The following CCDC85A variants were observed in gnomAD, a reference collection of about 807,000 sequenced individuals.
The protein encoded by CCDC85A is coiled-coil domain-containing protein 85A.
CCDC85A carries 38 observed loss-of-function variants against 50.2 expected under a neutral mutation model. That is an observed-to-expected ratio of 0.76 (90% confidence interval 0.58 to 0.99). CCDC85A has a LOEUF of 0.99. Ranked by LOEUF, CCDC85A falls within the 50% of genes least tolerant of loss-of-function variation. The pLI, the probability that CCDC85A is intolerant of heterozygous loss-of-function variation, is 0.00. For synonymous variants in CCDC85A, 366 were observed against 301.4 expected, an observed-to-expected ratio of 1.21 and a Z score of -2.22; for missense variants, 820 against 742.0, an observed-to-expected ratio of 1.11 and a Z score of -1.22.
chr2:56,197,470 T>G (rs1385585521), intron 2 of CCDC85A, among the ~76,000 whole-genome samples: 1 of 152,122 alleles, frequency 6.6e-6, no homozygotes, highest in African/African-American at 2.4e-5. Context: ...TATGATAGCT[T>G]TGAAAAAATA....
At position 56,192,481 on chromosome 2, in the gene CCDC85A, T is replaced by C; in HGVS notation, c.281T>C (p.Ile94Thr). 6.2e-7 allele frequency: 1 copy of C among 1,607,858 alleles called. No homozygotes were observed. The highest frequency in any genetic ancestry group is 8.5e-7 in the Non-Finnish European group (1 of 1,177,050). The change falls in exon 2 of 6, where the codon ATC becomes ACC. Residue 94 changes from isoleucine to threonine, a missense_variant. Physicochemically the swap from Ile to Thr is moderately conservative, Grantham distance 89. Coordinates refer to ENST00000407595, the MANE Select transcript of CCDC85A (RefSeq NM_001080433.2). This position sits in a 1 kb window ranked among gnomAD's most constrained non-coding sequence, Gnocchi z 4.7. ...HLGEIRGLKD[I>T]NQKLQEDNQE... ...TGGTTGTGTCTCTCTTTTCAGGATA[T>C]CAACCAGAAACTCCAGGAAGACAAC... is the stretch of plus-strand genomic sequence containing the variant.
rs566696924 is a variant in CCDC85A, at chr2:56,223,673, C to T, written c.1240+30233C>T. Among the ~76,000 whole-genome samples, 26 of 152,208 alleles carry T rather than the reference C, an allele frequency of 1.7e-4. 1 individual carries two copies. The Middle Eastern group carries it at 0.014, about 80-fold the overall frequency. On this transcript the variant is annotated intron_variant, in intron 2 of 5. Coordinates refer to ENST00000407595, the MANE Select transcript of CCDC85A (RefSeq NM_001080433.2). ...GATATGCTTAGCCTGTAGCCTAAAG[C>T]GTAATAAGTCTAAAGGAGAATTTAC... is the stretch of plus-strand genomic sequence containing the variant.
chr2:56,208,758 G>A (rs1003157798), intron 2 of CCDC85A, among the ~76,000 whole-genome samples: 3 of 152,074 alleles, frequency 2.0e-5, no homozygotes, highest in Non-Finnish European at 2.9e-5. Context: ...CACAGCAAAA[G>A]GAACATTATT....
chr2:56,279,206 T>G (rs926985300), intron 2 of CCDC85A, among the ~76,000 whole-genome samples: 1 of 152,198 alleles, frequency 6.6e-6, no homozygotes, highest in African/African-American at 2.4e-5. Context: ...TCAAGGTCTT[T>G]GGGAATTTGC....
intron 3 of CCDC85A, among the ~76,000 whole-genome samples, chr2:56,366,786 C>T (rs548798924): frequency 6.6e-6 from 1 of 152,260 alleles, no homozygotes; most frequent in East Asian, 1.9e-4. Context: ...CCTCTGCCTG[C>T]CGAGGAGTCT....
intron 2 of CCDC85A, among the ~76,000 whole-genome samples, chr2:56,333,283 G>A (rs1673905654): frequency 6.6e-6 from 1 of 152,170 alleles, no homozygotes; most frequent in Non-Finnish European, 1.5e-5. Context: ...ACAGAGACTT[G>A]TAAGAGGTGA....
In CCDC85A at chr2:56,372,558, G is replaced by T. The variant is rs539366793; in HGVS notation, c.1452+80G>T. Reference sequence around the variant, plus strand: ...CTGTTGCTAGAGAAAAAGTTATACTGGGGGGTAGAAAACAAGTTCATACAC... The same window carrying T: ...CTGTTGCTAGAGAAAAAGTTATACTTGGGGGTAGAAAACAAGTTCATACAC... On this transcript the variant is annotated intron_variant, in intron 4 of 5. Coordinates refer to ENST00000407595, the MANE Select transcript of CCDC85A (RefSeq NM_001080433.2). 4.4e-6 allele frequency: 6 copies of T among 1,359,558 alleles called. No homozygotes were observed. In the Admixed American group the frequency reaches 1.5e-4, roughly 33 times the overall value. The allele number at this position is 1,359,558 out of a possible 1,614,324, so 84.2% of individuals were successfully genotyped here.
At chr2:56,321,133 A>C (rs550214320) in intron 2 of CCDC85A, among the ~76,000 whole-genome samples, 1 of 152,180 alleles carries the variant, frequency 6.6e-6, no homozygotes, top group Non-Finnish European at 1.5e-5. Flanking sequence ...TATTGATGGG[A>C]TGTATCTCAA....
intron 2 of CCDC85A, among the ~76,000 whole-genome samples, chr2:56,200,146 C>G (rs1287827592): frequency 1.3e-5 from 2 of 152,172 alleles, no homozygotes; most frequent in East Asian, 3.9e-4. Context: ...GAATTACAGG[C>G]GTGAGCCAAC....
intron 2 of CCDC85A, among the ~76,000 whole-genome samples, chr2:56,319,889 T>C (rs1673089920): frequency 6.6e-6 from 1 of 152,140 alleles, no homozygotes; most frequent in South Asian, 2.1e-4. Context: ...TAGTTGGAAG[T>C]AAAGCACTCC....
chr2:56,314,221 G>T (rs371067737), intron 2 of CCDC85A, among the ~76,000 whole-genome samples: 95 of 151,464 alleles, frequency 6.3e-4, no homozygotes, highest in African/African-American at 2.1e-3. Context: ...CATAGCTGCC[G>T]AGCAGAATTG....
At chr2:56,288,985 A>G (rs756701301) in intron 2 of CCDC85A, among the ~76,000 whole-genome samples, 1 of 152,186 alleles carries the variant, frequency 6.6e-6, no homozygotes, top group Non-Finnish European at 1.5e-5. Flanking sequence ...ACATGGCAGT[A>G]AGAGTTTCAA....
At chr2:56,366,982 GC>G (rs567391586) in intron 3 of CCDC85A, among the ~76,000 whole-genome samples, 126 of 151,954 alleles carry the variant, frequency 8.3e-4, no homozygotes, top group African/African-American at 2.6e-3. Context: ...ATGTGTCAGG[GC>G]CCCCACTTCT....
chr2:56,342,450 T>TTTACTAATTAATAAGTG (rs1674419814), intron 2 of CCDC85A, among the ~76,000 whole-genome samples: 2 of 152,192 alleles, frequency 1.3e-5, no homozygotes, highest in African/African-American at 4.8e-5. Context: ...AGTTCTGGTT[T>TTTACTAATTAATAAGTG]TGCCCTGTTC....
chr2:56,186,458 A>G (rs150305924), intron 1 of CCDC85A, among the ~76,000 whole-genome samples: 37 of 152,326 alleles, frequency 2.4e-4, no homozygotes, highest in Middle Eastern at 3.4e-3. Context: ...AAGGTTTAAT[A>G]CTTGACTATA....
intron 2 of CCDC85A, among the ~76,000 whole-genome samples, chr2:56,233,073 T>G (rs13422440): frequency 0.013 from 1,905 of 152,328 alleles, 33 homozygotes; most frequent in African/African-American, 0.043. Flanking sequence ...TGCCTCTGCC[T>G]GGGAACCTCT....
intron 2 of CCDC85A, among the ~76,000 whole-genome samples, chr2:56,213,117 G>A (rs1247136693): frequency 1.3e-5 from 2 of 151,984 alleles, no homozygotes; most frequent in African/African-American, 2.4e-5. Context: ...TAATATCCCA[G>A]AATCAAAGAA....
At chr2:56,185,524 C>T (rs768178271) in intron 1 of CCDC85A, among the ~76,000 whole-genome samples, 3 of 152,176 alleles carry the variant, frequency 2.0e-5, no homozygotes, top group Non-Finnish European at 4.4e-5. Context: ...CCTGGAGTTG[C>T]CTTACTCCCC....
chr2:56,364,162 C>T (rs973195232), intron 3 of CCDC85A, among the ~76,000 whole-genome samples: 6 of 151,942 alleles, frequency 3.9e-5, no homozygotes, highest in African/African-American at 1.2e-4. Flanking sequence ...TTCAACCAGG[C>T]CTTCAATGTT....
Sources: allele counts gnomAD v4.1 joint callset (sites outside exome capture counted in the v4.1 genomes callset), GRCh38; gene constraint gnomAD v4.1.1; non-coding constraint Gnocchi (gnomAD v3.1); transcripts MANE v1.5; gene names NCBI Gene and HGNC (gene_info 2026-07-23, HGNC 2026-07-21).